The following EXOC4 variants were observed in gnomAD, a reference collection of about 807,000 sequenced individuals.
The protein encoded by EXOC4 is SEC8-like 1.
In EXOC4, 71 loss-of-function variants were observed where a neutral mutation model predicts 107.2. The observed-to-expected ratio is 0.66, with a 90% CI of 0.55 to 0.81. The LOEUF (loss-of-function observed/expected upper bound fraction) is 0.81, where lower values mean the gene tolerates loss of function less well. EXOC4 is among the 30% of genes least tolerant of loss of function. The pLI, the probability that EXOC4 is intolerant of heterozygous loss-of-function variation, is 0.00. For missense variants in EXOC4, 1,108 were observed against 1,189.6 expected, an observed-to-expected ratio of 0.93 and a Z score of 1.01; for synonymous variants, 456 against 441.2, an observed-to-expected ratio of 1.03 and a Z score of -0.42.
intron 12 of EXOC4, among the ~76,000 whole-genome samples, chr7:133,911,778 T>A (rs1291327233): frequency 6.6e-6 from 1 of 152,176 alleles, no homozygotes; most frequent in Non-Finnish European, 1.5e-5. Flanking sequence ...CCAGCATGGA[T>A]GCGCTCAAAG....
intron 17 of EXOC4, among the ~76,000 whole-genome samples, chr7:134,049,841 AG>A (rs1176242920): frequency 6.6e-6 from 1 of 152,210 alleles, no homozygotes; most frequent in Non-Finnish European, 1.5e-5. Context: ...GGACTTCGAA[AG>A]GGACTATATA....
intron 14 of EXOC4, among the ~76,000 whole-genome samples, chr7:133,995,757 C>G (rs1794375765): frequency 6.6e-6 from 1 of 152,026 alleles, no homozygotes; most frequent in African/African-American, 2.4e-5. Context: ...GAGTCTGGTT[C>G]CACAGAGGAG....
intron 14 of EXOC4, among the ~76,000 whole-genome samples, chr7:133,948,014 G>A (rs998151397): frequency 2.6e-5 from 4 of 152,154 alleles, no homozygotes; most frequent in African/African-American, 9.7e-5. Context: ...CAGAGAAGAT[G>A]GTGGAAATGC....
intron 3 of EXOC4, among the ~76,000 whole-genome samples, chr7:133,305,285 T>A (rs1430926530): frequency 6.6e-6 from 1 of 152,166 alleles, no homozygotes; most frequent in African/African-American, 2.4e-5. Flanking sequence ...TCATATCCCG[T>A]TTCTTCTATC....
intron 5 of EXOC4, among the ~76,000 whole-genome samples, chr7:133,318,016 C>T (rs1015170997): frequency 6.6e-6 from 1 of 152,152 alleles, no homozygotes; most frequent in African/African-American, 2.4e-5. Context: ...CATATGCTTT[C>T]CATTGTGCTA....
Position 133,624,010 on chromosome 7 carries a change from T to C in EXOC4, c.1418-6035T>C, listed in dbSNP as rs112975291. 1.9e-3 allele frequency among the ~76,000 whole-genome samples: 292 copies of C among 152,314 alleles called. 1 individual carries two copies. The highest frequency in any genetic ancestry group is 6.7e-3 in the African/African-American group (278 of 41,572). ...CTCTTAGAGCCAATTAAAGACCCCA[T>C]TTATTGATGCAGTCAGGAGTTCCAT... On this transcript the variant is annotated intron_variant, in intron 9 of 17. Coordinates refer to ENST00000253861, the MANE Select transcript of EXOC4 (RefSeq NM_021807.4).
At chr7:133,601,157 C>T (rs778878284) in intron 9 of EXOC4, among the ~76,000 whole-genome samples, 4 of 151,880 alleles carry the variant, frequency 2.6e-5, no homozygotes, top group Non-Finnish European at 4.4e-5. Context: ...TCTTTGTGAT[C>T]GGGTTTTTTT....
intron 5 of EXOC4, among the ~76,000 whole-genome samples, chr7:133,318,579 C>T (rs1458389902): frequency 3.9e-5 from 6 of 152,024 alleles, no homozygotes; most frequent in Non-Finnish European, 8.8e-5. Flanking sequence ...CTTATTAGTG[C>T]TGTAGAGCTT....
At chr7:133,576,614 A>G (rs1159904300) in intron 9 of EXOC4, 2 of 1,289,806 alleles carry the variant, frequency 1.6e-6, no homozygotes, top group East Asian at 1.1e-4. Flanking sequence ...GGGTAGAGAT[A>G]ACCACCTAGC....
At chr7:133,542,316 C>G (rs1800396352) in intron 9 of EXOC4, among the ~76,000 whole-genome samples, 1 of 152,042 alleles carries the variant, frequency 6.6e-6, no homozygotes, top group Non-Finnish European at 1.5e-5. Context: ...GATCCTAATT[C>G]TCATAGAAGG....
chr7:133,598,681 C>CT (rs565981594), intron 9 of EXOC4, among the ~76,000 whole-genome samples: 112 of 152,182 alleles, frequency 7.4e-4, no homozygotes, highest in African/African-American at 2.6e-3. Context: ...GGGTTGTACT[C>CT]TAAGTATAAA....
intron 9 of EXOC4, among the ~76,000 whole-genome samples, chr7:133,558,838 C>A (rs1800753952): frequency 6.6e-6 from 1 of 152,032 alleles, no homozygotes; most frequent in Non-Finnish European, 1.5e-5. Flanking sequence ...CCAAGAGAAG[C>A]CTAAGGGGCA....
chr7:133,298,330 T>A (rs1342491395), intron 3 of EXOC4, among the ~76,000 whole-genome samples: 4 of 152,134 alleles, frequency 2.6e-5, no homozygotes, highest in Non-Finnish European at 5.9e-5. Flanking sequence ...TTGTCTTGAT[T>A]GAAGTGCGAG....
intron 14 of EXOC4, among the ~76,000 whole-genome samples, chr7:133,941,179 A>G (rs1012338922): frequency 6.6e-6 from 1 of 151,976 alleles, no homozygotes; most frequent in African/African-American, 2.4e-5. Flanking sequence ...TAGTATTTTT[A>G]GTAGAGGCAG....
chr7:133,295,919 T>C (rs1035446558), intron 3 of EXOC4, among the ~76,000 whole-genome samples: 1 of 152,184 alleles, frequency 6.6e-6, no homozygotes, highest in Non-Finnish European at 1.5e-5. Flanking sequence ...TGGAATATTC[T>C]AGTGAGCTTA....
intron 9 of EXOC4, among the ~76,000 whole-genome samples, chr7:133,566,888 G>C (rs1392857463): frequency 6.6e-6 from 1 of 152,092 alleles, no homozygotes; most frequent in Non-Finnish European, 1.5e-5. Context: ...TATAACAATA[G>C]ACTAAAGGTT....
chr7:133,295,932 G>A (rs960716846), intron 3 of EXOC4, among the ~76,000 whole-genome samples: 8 of 152,220 alleles, frequency 5.3e-5, no homozygotes, highest in South Asian at 2.1e-4. Context: ...TGAGCTTATT[G>A]GACTAAACCT....
chr7:134,017,468 C>A (rs1470701344), intron 17 of EXOC4, among the ~76,000 whole-genome samples: 2 of 152,232 alleles, frequency 1.3e-5, no homozygotes, highest in Admixed American at 1.3e-4. Context: ...CTTGTACGGC[C>A]TGATCTGATG....
chr7:133,811,797 T>C (rs529372061), intron 10 of EXOC4, among the ~76,000 whole-genome samples: 1 of 152,354 alleles, frequency 6.6e-6, no homozygotes, highest in East Asian at 1.9e-4. Flanking sequence ...TTTAAAAATT[T>C]TGTATTGAAA....
Sources: gnomAD v4.1 joint callset for allele counts (sites outside exome capture counted in the v4.1 genomes callset) on GRCh38, gnomAD v4.1.1 for gene constraint, MANE v1.5 for transcripts, NCBI Gene and HGNC (gene_info 2026-07-23, HGNC 2026-07-21) for gene names.